RASA1: variants seen among roughly 807,000 people sequenced by gnomAD.
RASA1 encodes the protein ras GTPase-activating protein 1.
A neutral mutation model predicts 132.2 loss-of-function variants in RASA1; 25 were observed. The ratio of observed to expected loss-of-function variants is 0.19; its 90% CI spans 0.14 to 0.26. The LOEUF (loss-of-function observed/expected upper bound fraction) is 0.26. Among genes scored for constraint, RASA1 ranks in the 10% least tolerant of loss-of-function variants. The pLI is 1.00. For missense variants in RASA1, 964 were observed against 1,299.2 expected (o/e 0.74, Z 3.97); for synonymous variants, 477 against 449.9 (o/e 1.06, Z -0.76).
intron 18 of RASA1, among the ~76,000 whole-genome samples, 167 bp downstream of exon 18, chr5:87,378,705 A>G (rs551180591): frequency 4.5e-4 from 68 of 152,308 alleles, no homozygotes; most frequent in Admixed American, 1.7e-3. Context: ...TGCAAAATGG[A>G]CTTCTTAAAA....
intron 6 of RASA1, among the ~76,000 whole-genome samples, chr5:87,344,174 AAG>A (rs1310109562): frequency 5.3e-5 from 8 of 152,136 alleles, no homozygotes; most frequent in Admixed American, 3.3e-4. Flanking sequence ...AAATAACTAA[AAG>A]AGTGGAATTT....
At chr5:87,369,007 C>T (rs1580369143) in intron 11 of RASA1, among the ~76,000 whole-genome samples, 1 of 152,232 alleles carries the variant, frequency 6.6e-6, no homozygotes, top group African/African-American at 2.4e-5. Context: ...AAGACATTCT[C>T]AAAGCATGAA....
At chr5:87,290,016 A>G (rs980083437) in intron 1 of RASA1, among the ~76,000 whole-genome samples, 12 of 152,312 alleles carry the variant, frequency 7.9e-5, no homozygotes, top group South Asian at 2.1e-4. Context: ...TCAACTCTTA[A>G]TAGTTGACTC....
chr5:87,353,015 TTATTC>T (rs1390687528), intron 8 of RASA1, 137 bp from the exon 9 acceptor site: 1 of 643,812 alleles, frequency 1.6e-6, no homozygotes, highest in Non-Finnish European at 2.8e-6. Context: ...TTATGATCAT[TTATTC>T]TATTAATGTA....
In RASA1 at chr5:87,295,526, TA is replaced by T. The variant is rs1755081798; in HGVS notation, c.539+26537del. On this transcript the variant is annotated intron_variant, in intron 1 of 24. Coordinates refer to ENST00000274376, the MANE Select transcript of RASA1 (RefSeq NM_002890.3). ...ATTTATTTTATTTTATTTATTTATT[TA>T]TTTTTTTGAGACACTGTATCACCCA... Among the ~76,000 whole-genome samples, 7 of 151,446 alleles carry T rather than the reference TA, an allele frequency of 4.6e-5. No homozygotes were observed. In the South Asian group the frequency reaches 1.2e-3, roughly 27 times the overall value.
At chr5:87,288,961 C>T (rs984304168) in intron 1 of RASA1, among the ~76,000 whole-genome samples, 4 of 152,042 alleles carry the variant, frequency 2.6e-5, no homozygotes, top group African/African-American at 9.7e-5. Context: ...GCCTACAAAA[C>T]CAAATATAAT....
At chr5:87,288,272 T>C (rs1160938682) in intron 1 of RASA1, among the ~76,000 whole-genome samples, 2 of 151,702 alleles carry the variant, frequency 1.3e-5, no homozygotes, top group African/African-American at 2.4e-5. Flanking sequence ...ACCTTGATTA[T>C]ATGACAGACT....
chr5:87,283,263 AATTG>A (rs994095528), intron 1 of RASA1, among the ~76,000 whole-genome samples: 5 of 149,768 alleles, frequency 3.3e-5, no homozygotes, highest in African/African-American at 1.2e-4. Flanking sequence ...AAGAATTTGT[AATTG>A]ATTGTTGAAG....
intron 9 of RASA1, among the ~76,000 whole-genome samples, chr5:87,360,053 A>G (rs1357966667): frequency 6.6e-6 from 1 of 150,464 alleles, no homozygotes; most frequent in African/African-American, 2.4e-5. Flanking sequence ...TATCATATCA[A>G]TTCCAGATTT....
intron 8 of RASA1, among the ~76,000 whole-genome samples, chr5:87,350,902 A>AT (rs1052035593): frequency 1.3e-5 from 2 of 151,680 alleles, no homozygotes; most frequent in Admixed American, 1.3e-4. Flanking sequence ...AAAATGAAGG[A>AT]TTTTGTAATT....
chr5:87,330,832 C>A, intron 1 of RASA1: 1 of 591,870 alleles, frequency 1.7e-6, no homozygotes, highest in Non-Finnish European at 2.6e-6. Flanking sequence ...ATCAGCTTCA[C>A]GTTCAAACAG....
chr5:87,345,253 C>T (rs904006513), intron 6 of RASA1, among the ~76,000 whole-genome samples: 3 of 152,086 alleles, frequency 2.0e-5, no homozygotes, highest in Non-Finnish European at 4.4e-5. Flanking sequence ...AAAAATGAAA[C>T]GAAAACTCTT....
chr5:87,383,199 T>C (rs1442552882), intron 20 of RASA1, among the ~76,000 whole-genome samples: 2 of 152,204 alleles, frequency 1.3e-5, no homozygotes, highest in African/African-American at 2.4e-5. Flanking sequence ...TGGATTCTTA[T>C]TTTTATGTGA....
intron 1 of RASA1, among the ~76,000 whole-genome samples, chr5:87,311,106 T>G (rs1173031338): frequency 6.6e-6 from 1 of 152,326 alleles, no homozygotes; most frequent in African/African-American, 2.4e-5. Flanking sequence ...AAAATAGTTA[T>G]GCGATTATTG....
chr5:87,368,731 T>C lies in RASA1; in HGVS notation c.1611-1082T>C, dbSNP rs142057791. On this transcript the variant is annotated intron_variant, in intron 11 of 24. Coordinates refer to ENST00000274376, the MANE Select transcript of RASA1 (RefSeq NM_002890.3). The stretch of plus-strand genomic sequence containing the variant: ...TAATTTTTTAGCCTTTTAGGAACTA[T>C]TTTCTGCTTAGCGTCTCAGCTACAC... 4.6e-5 allele frequency among the ~76,000 whole-genome samples: 7 copies of C among 152,278 alleles called. No individual in the cohort carries two copies. The East Asian group carries it at 1.4e-3, about 29-fold the overall frequency.
chr5:87,379,316 G>A (rs942913726), intron 18 of RASA1, among the ~76,000 whole-genome samples: 9 of 152,230 alleles, frequency 5.9e-5, no homozygotes, highest in South Asian at 2.1e-4. Flanking sequence ...GATAGGCTAC[G>A]GAATTCCGAC....
At chr5:87,320,599 G>A (rs758686174) in intron 1 of RASA1, among the ~76,000 whole-genome samples, 3 of 152,202 alleles carry the variant, frequency 2.0e-5, no homozygotes, top group South Asian at 2.1e-4. Context: ...CAGATCTTGC[G>A]GGAATTTACT....
At chr5:87,289,023 C>A (rs921324323) in intron 1 of RASA1, among the ~76,000 whole-genome samples, 14 of 152,016 alleles carry the variant, frequency 9.2e-5, no homozygotes, top group Non-Finnish European at 2.1e-4. Flanking sequence ...CCTATAGTGT[C>A]GTTTATATTT....
intron 9 of RASA1, among the ~76,000 whole-genome samples, chr5:87,355,995 A>T (rs557105367): frequency 6.6e-6 from 1 of 152,338 alleles, no homozygotes; most frequent in East Asian, 1.9e-4. Context: ...GCGAAAGAGG[A>T]GTTGCTTGTT....
Sources: gnomAD v4.1 joint callset for allele counts (sites outside exome capture counted in the v4.1 genomes callset) on GRCh38, gnomAD v4.1.1 for gene constraint, MANE v1.5 for transcripts, NCBI Gene and HGNC (gene_info 2026-07-23, HGNC 2026-07-21) for gene names.